The following PRKN variants were observed in gnomAD, a reference collection of about 807,000 sequenced individuals.
PRKN encodes E3 ubiquitin-protein ligase parkin.
In PRKN, 56 loss-of-function variants were observed where a neutral mutation model predicts 59.5. That is an observed-to-expected ratio of 0.94 (90% confidence interval 0.76 to 1.18). The LOEUF (loss-of-function observed/expected upper bound fraction) is 1.18, where lower values mean the gene tolerates loss of function less well. PRKN is among the 50% of genes most tolerant of loss of function. PRKN has a pLI of 0.00. For synonymous variants in PRKN, 250 were observed against 222.1 expected, an observed-to-expected ratio of 1.13 and a Z score of -1.12; for missense variants, 657 against 596.4, an observed-to-expected ratio of 1.10 and a Z score of -1.06.
chr6:161,773,312 C>A (rs925730589), intron 7 of PRKN, among the ~76,000 whole-genome samples: 1 of 152,148 alleles, frequency 6.6e-6, no homozygotes, highest in Non-Finnish European at 1.5e-5. Flanking sequence ...TTATTGACTA[C>A]GTTAGAATCC....
chr6:162,020,931 C>T (rs1340103221), intron 5 of PRKN, among the ~76,000 whole-genome samples: 1 of 151,242 alleles, frequency 6.6e-6, no homozygotes, highest in East Asian at 1.9e-4. Context: ...GGTGAAACCT[C>T]ATCTCTACAA....
At chr6:162,651,119 C>CTTTGTTTG (rs149491590) in intron 1 of PRKN, among the ~76,000 whole-genome samples, 2 of 152,006 alleles carry the variant, frequency 1.3e-5, no homozygotes, top group East Asian at 3.9e-4. Flanking sequence ...CACAATATGG[C>CTTTGTTTG]TTTGTTTGTT....
rs1283373926 is a variant in PRKN, at chr6:162,216,882, TAAAATCA to T, written c.413-15637_413-15631del. 2.0e-5 allele frequency among the ~76,000 whole-genome samples: 3 copies of T among 152,290 alleles called. No individual in the cohort carries two copies. The East Asian group carries it at 5.8e-4, about 29-fold the overall frequency. ...GAAGTAAGGAAAATCACTTTGGGGGTAAAATCAGGGTTTTGGAAGAAACTGATACTTC... is the reference window on the plus strand; with the variant it reads ...GAAGTAAGGAAAATCACTTTGGGGGTGGGTTTTGGAAGAAACTGATACTTC... On this transcript the variant is annotated intron_variant, in intron 3 of 11. Transcript: ENST00000366898.
Position 162,313,184 on chromosome 6 carries a change from A to T in PRKN, c.172-50419T>A, listed in dbSNP as rs140092942. ...ACAGTTCAGTAGTGCTAAGGACCAC[A>T]GTTGTGCAGCCAATCTCCAGAGCCA... is the stretch of plus-strand genomic sequence containing the variant. On this transcript the variant is annotated intron_variant, in intron 2 of 11. Transcript: ENST00000366898. 2.7e-3 allele frequency among the ~76,000 whole-genome samples: 404 copies of T among 152,284 alleles called. 3 individuals are homozygous for T. Among genetic ancestry groups the T allele is most frequent in the African/African-American group, 9.3e-3 (387 of 41,570 alleles).
intron 7 of PRKN, among the ~76,000 whole-genome samples, chr6:161,604,427 T>C (rs963794953): frequency 5.9e-5 from 9 of 152,000 alleles, no homozygotes; most frequent in Non-Finnish European, 8.8e-5. Flanking sequence ...GTGATATGGA[T>C]GGGGGTGCAG....
intron 9 of PRKN, 125 bp from the exon 10 acceptor site, chr6:161,387,002 A>G (rs1423260204): frequency 2.5e-6 from 2 of 795,222 alleles, no homozygotes; most frequent in South Asian, 1.4e-5. Context: ...GTATAAAAAT[A>G]CTTTTTTTGC....
chr6:162,038,225 G>A (rs923323009), intron 5 of PRKN, among the ~76,000 whole-genome samples: 1 of 151,978 alleles, frequency 6.6e-6, no homozygotes, highest in Non-Finnish European at 1.5e-5. Flanking sequence ...CAAAGTTATT[G>A]TCAGAGCCAC....
intron 7 of PRKN, among the ~76,000 whole-genome samples, chr6:161,778,956 A>T (rs1790072394): frequency 6.6e-6 from 1 of 151,932 alleles, no homozygotes; most frequent in East Asian, 1.9e-4. Flanking sequence ...TTATTTATTT[A>T]TTTTTTGAGA....
intron 2 of PRKN, among the ~76,000 whole-genome samples, chr6:162,402,913 G>A (rs191395930): frequency 7.6e-4 from 116 of 152,028 alleles, no homozygotes; most frequent in Non-Finnish European, 4.0e-4. Context: ...AAAGTGCTGG[G>A]GTTACAGGCA....
chr6:162,399,267 G>A (rs1787640071), intron 2 of PRKN, among the ~76,000 whole-genome samples: 1 of 152,086 alleles, frequency 6.6e-6, no homozygotes, highest in Non-Finnish European at 1.5e-5. Flanking sequence ...AACACTGAGG[G>A]GTCAAAATCA....
At chr6:162,058,335 C>T (rs117610685) in intron 4 of PRKN, among the ~76,000 whole-genome samples, 6,710 of 152,164 alleles carry the variant, frequency 0.044, 197 homozygotes, top group Non-Finnish European at 0.065. Flanking sequence ...AATTGTCGGG[C>T]CTTGTGATGT....
intron 6 of PRKN, among the ~76,000 whole-genome samples, chr6:161,849,933 A>G (rs1209723927): frequency 3.3e-5 from 5 of 152,192 alleles, no homozygotes; most frequent in Non-Finnish European, 7.3e-5. Flanking sequence ...ATGAAGAATC[A>G]TATGTGCGTC....
chr6:161,648,567 C>T lies in PRKN; in HGVS notation c.872-79151G>A, dbSNP rs138446279. Among the ~76,000 whole-genome samples, 7 of 152,308 alleles carry T rather than the reference C, an allele frequency of 4.6e-5. No homozygotes were observed. In the East Asian group the frequency reaches 1.3e-3, roughly 29 times the overall value. ...ATAAAATTAAACAGTATTATTCTGT[C>T]TTCACTATTAAGAGTAGCCATAGTA... is the stretch of plus-strand genomic sequence containing the variant. On this transcript the variant is annotated intron_variant, in intron 7 of 11. Transcript: ENST00000366898.
At chr6:161,785,735 T>G in intron 7 of PRKN, 37 bp downstream of exon 7, 1 of 1,605,928 alleles carries the variant, frequency 6.2e-7, no homozygotes, top group Non-Finnish European at 8.5e-7. Flanking sequence ...TGTTCTTCAT[T>G]AGCATTAGAG....
At chr6:161,992,939 G>A (rs557426806) in intron 5 of PRKN, among the ~76,000 whole-genome samples, 11 of 152,092 alleles carry the variant, frequency 7.2e-5, no homozygotes, top group East Asian at 3.9e-4. Flanking sequence ...ATTAAAACCC[G>A]TGAAATACAG....
chr6:162,426,692 C>T (rs560894414), intron 2 of PRKN, among the ~76,000 whole-genome samples: 39 of 152,306 alleles, frequency 2.6e-4, no homozygotes, highest in Middle Eastern at 3.4e-3. Context: ...AGGGATCCGC[C>T]CACCTGGGCC....
intron 9 of PRKN, among the ~76,000 whole-genome samples, chr6:161,412,443 CCACT>C (rs1318876376): frequency 2.0e-5 from 3 of 148,058 alleles, no homozygotes; most frequent in Non-Finnish European, 3.0e-5. Context: ...ACTCATTCCT[CCACT>C]CACTCACTCC....
At chr6:161,573,743 A>AT (rs1780998169) in intron 7 of PRKN, among the ~76,000 whole-genome samples, 5 of 31,208 alleles carry the variant, frequency 1.6e-4, no homozygotes, top group Admixed American at 3.7e-4. Context: ...AAAAAAAAAA[A>AT]AAAAAAAAAA....
chr6:162,431,694 A>G (rs760566321), intron 2 of PRKN, among the ~76,000 whole-genome samples: 1 of 152,220 alleles, frequency 6.6e-6, no homozygotes, highest in African/African-American at 2.4e-5. Flanking sequence ...AACAAACAAA[A>G]TACTAAAAGA....
Sources: gnomAD v4.1 joint callset for allele counts (sites outside exome capture counted in the v4.1 genomes callset) on GRCh38, gnomAD v4.1.1 for gene constraint, MANE v1.5 for transcripts, NCBI Gene and HGNC (gene_info 2026-07-23, HGNC 2026-07-21) for gene names.